The following SLC2A9 variants were observed in gnomAD, a reference collection of about 807,000 sequenced individuals.
SLC2A9 encodes the protein solute carrier family 2, facilitated glucose transporter member 9.
Under a neutral mutation model 50.6 loss-of-function variants are expected in SLC2A9, and 39 were observed. The ratio of observed to expected loss-of-function variants is 0.77; its 90% CI spans 0.60 to 1.01. The LOEUF (loss-of-function observed/expected upper bound fraction) is 1.01, where lower values mean the gene tolerates loss of function less well. Ranked by LOEUF, SLC2A9 falls within the 50% of genes least tolerant of loss-of-function variation. The pLI, the probability that SLC2A9 is intolerant of heterozygous loss-of-function variation, is 0.00. For synonymous variants in SLC2A9, 324 were observed against 276.9 expected (o/e 1.17, Z -1.69); for missense variants, 686 against 677.6 (o/e 1.01, Z -0.14).
chr4:10,026,664 G>A (rs762941758), intron 1 of SLC2A9, among the ~76,000 whole-genome samples: 5 of 152,238 alleles, frequency 3.3e-5, no homozygotes, highest in African/African-American at 4.8e-5. Flanking sequence ...CCATATAGCG[G>A]AAAATTACTC....
intron 3 of SLC2A9, among the ~76,000 whole-genome samples, chr4:9,784,533 G>A (rs1357981580): frequency 6.6e-6 from 1 of 152,190 alleles, no homozygotes; most frequent in Non-Finnish European, 1.5e-5. Flanking sequence ...TTCCTTAGTG[G>A]ACAATAGCAA....
chr4:9,871,257 A>G (rs926385323), intron 10 of SLC2A9, among the ~76,000 whole-genome samples: 58 of 152,284 alleles, frequency 3.8e-4, no homozygotes, highest in Non-Finnish European at 7.4e-4. Flanking sequence ...TATGTAGAGG[A>G]TTAGGAAATA....
intron 7 of SLC2A9, among the ~76,000 whole-genome samples, chr4:9,910,512 C>T (rs192118297): frequency 2.7e-4 from 41 of 152,336 alleles, no homozygotes; most frequent in Non-Finnish European, 5.1e-4. Context: ...CAATGGCCAA[C>T]GTTCTCTAGG....
intron 3 of SLC2A9, among the ~76,000 whole-genome samples, chr4:9,785,172 T>G (rs1411476486): frequency 2.6e-5 from 4 of 152,182 alleles, no homozygotes. Flanking sequence ...CGCATGACCT[T>G]GAGTGAGTCA....
At chr4:9,973,816 C>A in intron 5 of SLC2A9, among the ~76,000 whole-genome samples, 1 of 150,420 alleles carries the variant, frequency 6.6e-6, no homozygotes, top group Non-Finnish European at 1.5e-5. Flanking sequence ...ACATATGTAA[C>A]TAACCTGCAC....
chr4:9,985,761 G>C lies in SLC2A9; in HGVS notation c.443C>G (p.Ala148Gly), dbSNP rs752561904. The C allele has an allele frequency of 1.2e-6, 2 of 1,614,040 alleles. No individual in the cohort carries two copies. The highest frequency in any genetic ancestry group is 1.1e-5 in the South Asian group (1 of 91,080). Residue 148 changes from alanine (A) to glycine (G), a missense_variant, in exon 4 of 12, where the codon GCA becomes GGA. Ala to Gly is a moderately conservative substitution (Grantham distance 60, BLOSUM62 0). Coordinates refer to ENST00000264784, the MANE Select transcript of SLC2A9 (RefSeq NM_020041.3). ...GGCCATCAGCAATGCAGCAGAAATT[G>C]CAAACCCATTATTGGCCAGCAAAGT... is the stretch of plus-strand genomic sequence containing the variant. ...KHTLLANNGF[A>G]ISAALLMACS...
At chr4:9,789,238 TA>T (rs541196540) in intron 3 of SLC2A9, among the ~76,000 whole-genome samples, 159 of 152,322 alleles carry the variant, frequency 1.0e-3, no homozygotes, top group African/African-American at 3.7e-3. Flanking sequence ...TCCTAGGTTT[TA>T]AAAAATATTA....
chr4:9,843,049 G>T (rs1728346155), intron 10 of SLC2A9, among the ~76,000 whole-genome samples: 1 of 152,102 alleles, frequency 6.6e-6, no homozygotes, highest in Non-Finnish European at 1.5e-5. Context: ...GGGTAGGAGG[G>T]CTGGATTATT....
At chr4:9,869,730 G>C (rs1311790297) in intron 10 of SLC2A9, among the ~76,000 whole-genome samples, 1 of 152,216 alleles carries the variant, frequency 6.6e-6, no homozygotes, top group Non-Finnish European at 1.5e-5. Flanking sequence ...CAGTAAGTAG[G>C]TGTCCAATAG....
intron 5 of SLC2A9, among the ~76,000 whole-genome samples, chr4:9,951,271 A>T (rs1371627262): frequency 6.6e-6 from 1 of 152,172 alleles, no homozygotes; most frequent in Non-Finnish European, 1.5e-5. Context: ...TCTCTCACTT[A>T]TATGTGGAAG....
intron 6 of SLC2A9, among the ~76,000 whole-genome samples, chr4:9,940,965 T>C (rs1748009046): frequency 6.6e-6 from 1 of 152,190 alleles, no homozygotes; most frequent in African/African-American, 2.4e-5. Flanking sequence ...CACCATCTAA[T>C]TCAGTCCTCA....
intron 3 of SLC2A9, among the ~76,000 whole-genome samples, chr4:9,804,216 G>GA (rs975519903): frequency 4.6e-5 from 7 of 152,234 alleles, no homozygotes; most frequent in Non-Finnish European, 1.0e-4. Flanking sequence ...GAAAGGTGAT[G>GA]AATGTTCCTG....
At chr4:9,826,992 G>T (rs1725253211) in intron 11 of SLC2A9, among the ~76,000 whole-genome samples, 1 of 152,204 alleles carries the variant, frequency 6.6e-6, no homozygotes, top group South Asian at 2.1e-4. Context: ...CAAAAGGGAA[G>T]AGAAATGCCT....
chr4:9,879,329 C>T (rs1186650819), intron 10 of SLC2A9: 1 of 985,080 alleles, frequency 1.0e-6, no homozygotes, highest in African/African-American at 1.8e-5. Context: ...GGAAATAGCA[C>T]ATGCAAAGGC....
chr4:9,908,364 T>C lies in SLC2A9; in HGVS notation c.1003-19A>G. 1 of 1,533,890 alleles carries C rather than the reference T, an allele frequency of 6.5e-7. No homozygotes were observed. The highest frequency in any genetic ancestry group is 9.0e-7 in the Non-Finnish European group (1 of 1,105,988). On this transcript the variant is annotated intron_variant, in intron 7 of 11. Transcript: ENST00000264784. ...ACCAAATCTGTAATTCAGGAAAGAA[T>C]GAGCAGAGAGAATGGTCAGTGGAAG...
intron 6 of SLC2A9, among the ~76,000 whole-genome samples, chr4:9,928,671 T>C (rs568349082): frequency 3.3e-5 from 5 of 152,022 alleles, no homozygotes; most frequent in Admixed American, 2.6e-4. Flanking sequence ...GAGGTGGAGG[T>C]TGCAGTGAGC....
Position 9,890,655 on chromosome 4 carries a change from G to A in SLC2A9, c.1170C>T (p.Leu390=), listed in dbSNP as rs867295079. 3.1e-6 allele frequency: 5 copies of A among 1,614,152 alleles called. No homozygotes were observed. In the South Asian group the frequency reaches 5.5e-5, roughly 18 times the overall value. Residue 390 remains leucine (L), a synonymous_variant, in exon 9 of 12, where the codon CTC becomes CTT. Transcript: ENST00000264784. ...TGAGGGTCCCAAAGAAGAGGCCCAT[G>A]AGCCCAAAGCCACCAATGAGGAGGG... The part of the protein sequence containing the change: ...RRPLLIGGFG[L]MGLFFGTLTI...
intron 2 of SLC2A9, among the ~76,000 whole-genome samples, chr4:10,000,731 A>T (rs180745696): frequency 1.3e-5 from 2 of 152,222 alleles, no homozygotes; most frequent in Admixed American, 1.3e-4. Context: ...GTCCTGCTGG[A>T]CATAGTTGGG....
chr4:9,931,982 A>C (rs1427010829), intron 6 of SLC2A9, among the ~76,000 whole-genome samples: 9 of 73,326 alleles, frequency 1.2e-4, no homozygotes, highest in Non-Finnish European at 2.0e-4. Flanking sequence ...ATATATATAT[A>C]TATATATATA....
Sources: gnomAD v4.1 joint callset for allele counts (sites outside exome capture counted in the v4.1 genomes callset) on GRCh38, gnomAD v4.1.1 for gene constraint, MANE v1.5 for transcripts, NCBI Gene and HGNC (gene_info 2026-07-23, HGNC 2026-07-21) for gene names.